FRRS1: variants seen among roughly 807,000 people sequenced by gnomAD.
FRRS1 encodes ferric reductase 1.
Under a neutral mutation model 70.7 loss-of-function variants are expected in FRRS1, and 51 were observed. The observed-to-expected ratio is 0.72, with a 90% CI of 0.58 to 0.91. The LOEUF is 0.91. Ranked by LOEUF, FRRS1 falls within the 40% of genes least tolerant of loss-of-function variation. FRRS1 has a pLI of 0.00. For synonymous variants in FRRS1, 225 were observed against 238.7 expected (o/e 0.94, Z 0.53); for missense variants, 672 against 726.0 (o/e 0.93, Z 0.86).
intron 9 of FRRS1, among the ~76,000 whole-genome samples, chr1:99,727,776 G>A (rs1307954282): frequency 6.6e-6 from 1 of 152,186 alleles, no homozygotes; most frequent in Non-Finnish European, 1.5e-5. Flanking sequence ...ATTTCCTGCA[G>A]TTCCTCAAAA....
chr1:99,753,118 C>G (rs996355683), intron 1 of FRRS1, among the ~76,000 whole-genome samples: 1 of 151,174 alleles, frequency 6.6e-6, no homozygotes, highest in Non-Finnish European at 1.5e-5. Context: ...GAGGCTGAGG[C>G]AGGAGGATCC....
chr1:99,717,663 C>G, intron 10 of FRRS1, 138 bp from the exon 11 acceptor site: 2 of 632,640 alleles, frequency 3.2e-6, no homozygotes, highest in Non-Finnish European at 2.8e-6. Context: ...TAAAAAGATG[C>G]TATACATTAT....
chr1:99,725,171 A>C (rs1655021818), intron 9 of FRRS1, among the ~76,000 whole-genome samples: 1 of 152,136 alleles, frequency 6.6e-6, no homozygotes, highest in Non-Finnish European at 1.5e-5. Flanking sequence ...ATCTAATGCC[A>C]CCGCTGATCT....
chr1:99,737,683 G>A (rs1655737413), intron 7 of FRRS1, among the ~76,000 whole-genome samples: 1 of 152,168 alleles, frequency 6.6e-6, no homozygotes, highest in Non-Finnish European at 1.5e-5. Flanking sequence ...TCTCCTGGAT[G>A]ATCATTTGAC....
At chr1:99,712,542 G>A in intron 12 of FRRS1, 27 bp from the exon 13 acceptor site, 1 of 1,283,016 alleles carries the variant, frequency 7.8e-7, no homozygotes, top group Non-Finnish European at 1.1e-6. Context: ...CATTTTAATG[G>A]CCTCAATCTC....
rs1484942945 is a variant in FRRS1, at chr1:99,725,895, G to A, written c.1006+2598C>T. 2.0e-5 allele frequency among the ~76,000 whole-genome samples: 3 copies of A among 152,094 alleles called. No homozygotes were observed. The East Asian group carries it at 5.8e-4, about 29-fold the overall frequency. ...GTTTTCCTCTAAAGTATAATTTTAA[G>A]TATAAAACTTTAAAAAGTATAAACC... is the stretch of plus-strand genomic sequence containing the variant. On this transcript the variant is annotated intron_variant, in intron 9 of 16. Coordinates refer to ENST00000646001, the MANE Select transcript of FRRS1 (RefSeq NM_001361041.2).
At chr1:99,758,354 C>A (rs1017769137) in intron 1 of FRRS1, among the ~76,000 whole-genome samples, 1 of 152,272 alleles carries the variant, frequency 6.6e-6, no homozygotes, top group East Asian at 1.9e-4. Flanking sequence ...AAATTCCAAA[C>A]TGAGTTAGAA....
intron 6 of FRRS1, among the ~76,000 whole-genome samples, chr1:99,740,463 A>C (rs1023563400): frequency 5.3e-5 from 8 of 152,254 alleles, no homozygotes; most frequent in African/African-American, 1.4e-4. Context: ...CAAAATACAC[A>C]GAACCACAAT....
At chr1:99,733,920 C>T (rs556574137) in intron 7 of FRRS1, among the ~76,000 whole-genome samples, 1 of 152,094 alleles carries the variant, frequency 6.6e-6, no homozygotes, top group Admixed American at 6.5e-5. Context: ...TGACAGACAC[C>T]AGTGATCAAA....
rs1553169357 is a variant in FRRS1 at position 99,708,625 on chromosome 1, A to AAAAATATAT, written c.*402_*403insATATATTTT. On this transcript the variant is annotated 3_prime_UTR_variant, in exon 17 of 17. Transcript: ENST00000646001. ...AAAAAAAAAAAAAAAAAAAAAAAAA[A>AAAAATATAT]ATATATATATATATATATATATATA... 1.9e-5 allele frequency: 1 copy of AAAAATATAT among 52,732 alleles called. No individual in the cohort carries two copies. The highest frequency in any genetic ancestry group is 3.1e-5 in the Non-Finnish European group (1 of 32,522). 3.3% of individuals were successfully genotyped at this position (52,732 alleles called of 1,614,324 possible). A position where few individuals can be genotyped will look rare whatever the true frequency, so the allele number is the denominator to read the frequency against.
Position 99,734,998 on chromosome 1 carries a change from T to C in FRRS1, c.759+3088A>G, listed in dbSNP as rs568044651. Reference sequence around the variant, plus strand: ...GAAGGAAGGAAGCTAATGCGCATACTTGATAGACTTTACATTATTTAACAA... The same window carrying C: ...GAAGGAAGGAAGCTAATGCGCATACCTGATAGACTTTACATTATTTAACAA... On this transcript the variant is annotated intron_variant, in intron 7 of 16. Transcript: ENST00000646001. 1.1e-4 allele frequency among the ~76,000 whole-genome samples: 16 copies of C among 152,304 alleles called. No individual in the cohort carries two copies. In the South Asian group the frequency reaches 1.2e-3, roughly 12 times the overall value.
chr1:99,734,393 T>C (rs1655546851), intron 7 of FRRS1, among the ~76,000 whole-genome samples: 2 of 152,192 alleles, frequency 1.3e-5, no homozygotes, highest in Admixed American at 1.3e-4. Context: ...ATCTGTAATT[T>C]ACTTTCAAAT....
At chr1:99,740,270 C>T (rs1655886881) in intron 6 of FRRS1, among the ~76,000 whole-genome samples, 1 of 152,216 alleles carries the variant, frequency 6.6e-6, no homozygotes, top group African/African-American at 2.4e-5. Context: ...AACATATCCA[C>T]CACCAGTAAA....
At chr1:99,756,399 C>G (rs1010027465) in intron 1 of FRRS1, among the ~76,000 whole-genome samples, 7 of 152,100 alleles carry the variant, frequency 4.6e-5, no homozygotes, top group African/African-American at 1.4e-4. Context: ...GGTATGATGA[C>G]TGCTAACACC....
At chr1:99,744,797 C>CAAT (rs1385451948) in intron 4 of FRRS1, among the ~76,000 whole-genome samples, 135 of 150,164 alleles carry the variant, frequency 9.0e-4, no homozygotes, top group African/African-American at 3.1e-3. Context: ...AAAATAATAA[C>CAAT]AATAATAATA....
chr1:99,713,834 T>C (rs146409646), intron 12 of FRRS1, among the ~76,000 whole-genome samples: 75 of 152,238 alleles, frequency 4.9e-4, no homozygotes, highest in African/African-American at 1.7e-3. Context: ...TTATATGAAA[T>C]GGCATAAAGA....
At chr1:99,723,544 T>C (rs779569289) in intron 9 of FRRS1, among the ~76,000 whole-genome samples, 8 of 152,074 alleles carry the variant, frequency 5.3e-5, no homozygotes, top group Non-Finnish European at 7.4e-5. Flanking sequence ...ACAAATTATG[T>C]CTAAAGTTTA....
chr1:99,741,536 A>T (rs1212597238), intron 5 of FRRS1, among the ~76,000 whole-genome samples: 1 of 152,258 alleles, frequency 6.6e-6, no homozygotes, highest in African/African-American at 2.4e-5. Flanking sequence ...ATGGCATTAT[A>T]ACATTCCATT....
chr1:99,751,775 A>T (rs1381822559), intron 1 of FRRS1, among the ~76,000 whole-genome samples: 3 of 152,120 alleles, frequency 2.0e-5, no homozygotes, highest in Admixed American at 2.0e-4. Context: ...AAGAGAAAAG[A>T]AAAACAATAA....
Sources: gnomAD v4.1 joint callset for allele counts (sites outside exome capture counted in the v4.1 genomes callset) on GRCh38, gnomAD v4.1.1 for gene constraint, MANE v1.5 for transcripts, NCBI Gene and HGNC (gene_info 2026-07-23, HGNC 2026-07-21) for gene names.